SEMA4F: variants seen among roughly 807,000 people sequenced by gnomAD.
SEMA4F encodes the protein ssemaphorin 4F.
SEMA4F carries 51 observed loss-of-function variants against 78.4 expected under a neutral mutation model. The ratio of observed to expected loss-of-function variants is 0.65; its 90% CI spans 0.52 to 0.82. The LOEUF (loss-of-function observed/expected upper bound fraction) is 0.82. Ranked by LOEUF, SEMA4F falls within the 40% of genes least tolerant of loss-of-function variation. The pLI is 0.00. For missense variants in SEMA4F, 938 were observed against 1,014.4 expected (o/e 0.92, Z 1.02); for synonymous variants, 418 against 408.7 (o/e 1.02, Z -0.27).
In SEMA4F at chr2:74,682,111, T is replaced by C. The variant is rs1685649212; in HGVS notation, c.*1902T>C. The C allele has an allele frequency of 6.6e-6, 1 of 152,250 alleles. No homozygotes were observed. Among genetic ancestry groups the C allele is most frequent in the Non-Finnish European group, 1.5e-5 (1 of 68,048 alleles). 9.4% of individuals were successfully genotyped at this position (152,250 alleles called of 1,614,324 possible). The stretch of plus-strand genomic sequence containing the variant: ...ACTATCCATAACCATATAGCTTAAC[T>C]ATATGATAACCATGACATTCGTAGG... On this transcript the variant is annotated 3_prime_UTR_variant, in exon 14 of 14. Transcript: ENST00000357877.
chr2:74,697,310 T>C, the SEMA4F span, among the ~76,000 whole-genome samples: 3 of 152,214 alleles, frequency 2.0e-5, no homozygotes, highest in African/African-American at 7.2e-5. Context: ...GAGCTCAATG[T>C]ATAGTCCAGA....
chr2:74,696,593 A>C, the SEMA4F span, among the ~76,000 whole-genome samples: 8 of 152,288 alleles, frequency 5.3e-5, no homozygotes, highest in South Asian at 6.2e-4. Flanking sequence ...AGGGATAAAA[A>C]AACTACCAGT....
chr2:74,702,440 C>G, the SEMA4F span, among the ~76,000 whole-genome samples: 1 of 152,156 alleles, frequency 6.6e-6, no homozygotes, highest in Non-Finnish European at 1.5e-5. Context: ...GTTTTACTTT[C>G]TTTTTCTTCC....
Position 74,681,390 on chromosome 2 carries a change from C to T in SEMA4F, c.*1181C>T, listed in dbSNP as rs918186393. On this transcript the variant is annotated 3_prime_UTR_variant, in exon 14 of 14. Transcript: ENST00000357877. Reference sequence around the variant, plus strand: ...CAAGGCCTTAACAAAGTTAAAGGACCACTGCCCTGAGGTTACTGCACTGAG... The same window carrying T: ...CAAGGCCTTAACAAAGTTAAAGGACTACTGCCCTGAGGTTACTGCACTGAG... 6.6e-6 allele frequency: 1 copy of T among 152,598 alleles called. No individual in the cohort carries two copies. Among genetic ancestry groups the T allele is most frequent in the Non-Finnish European group, 1.5e-5 (1 of 68,068 alleles). The allele number at this position is 152,598 out of a possible 1,614,324, so 9.5% of individuals were successfully genotyped here.
intron 5 of SEMA4F, among the ~76,000 whole-genome samples, chr2:74,668,221 T>C (rs11900406): frequency 0.095 from 14,431 of 152,214 alleles, 2,132 homozygotes; most frequent in African/African-American, 0.32. Context: ...GTGTTTTTAT[T>C]GTATGGTTTT....
In SEMA4F at chr2:74,660,156, A is replaced by T. The variant is rs559488686; in HGVS notation, c.456+2205A>T. On this transcript the variant is annotated intron_variant, in intron 4 of 13. Coordinates refer to ENST00000357877, the MANE Select transcript of SEMA4F (RefSeq NM_004263.5). Reference sequence around the variant, plus strand: ...TAAGTTTAATTCTTATCACCACATCATGATATTTAGGTATTATTTCCATTT... The same window carrying T: ...TAAGTTTAATTCTTATCACCACATCTTGATATTTAGGTATTATTTCCATTT... 8.5e-5 allele frequency among the ~76,000 whole-genome samples: 13 copies of T among 152,354 alleles called. 1 individual carries two copies. Among genetic ancestry groups the T allele is most frequent in the African/African-American group, 3.1e-4 (13 of 41,582 alleles).
At chr2:74,705,838 A>G in the SEMA4F span, among the ~76,000 whole-genome samples, 2 of 152,178 alleles carry the variant, frequency 1.3e-5, no homozygotes, top group Non-Finnish European at 2.9e-5. Flanking sequence ...AAGCACTGGG[A>G]TTATAGGTGT....
At chr2:74,705,270 A>G in the SEMA4F span, among the ~76,000 whole-genome samples, 24 of 152,202 alleles carry the variant, frequency 1.6e-4, no homozygotes, top group South Asian at 6.2e-4. Flanking sequence ...ACATTTTCAC[A>G]TTTTCTTTAT....
At chr2:74,696,450 G>A in the SEMA4F span, among the ~76,000 whole-genome samples, 2 of 151,902 alleles carry the variant, frequency 1.3e-5, no homozygotes, top group Non-Finnish European at 2.9e-5. Context: ...CACCCACCTC[G>A]GCCTCCCAAA....
At chr2:74,679,501 A>G (rs1573268085) in intron 13 of SEMA4F, 98 bp from the exon 14 acceptor site, 5 of 1,520,424 alleles carry the variant, frequency 3.3e-6, no homozygotes, top group African/African-American at 1.4e-5. Flanking sequence ...CTTAGTCTCC[A>G]TAGCCCCTTT....
the SEMA4F span, among the ~76,000 whole-genome samples, chr2:74,706,846 C>G: frequency 3.2e-4 from 49 of 152,140 alleles, no homozygotes; most frequent in South Asian, 6.6e-3. Context: ...AGTGAGTGAG[C>G]ATTTTCACTT....
intron 7 of SEMA4F, 46 bp from the exon 8 acceptor site, chr2:74,674,452 A>G (rs766898016): frequency 6.4e-7 from 1 of 1,552,236 alleles, no homozygotes; most frequent in Non-Finnish European, 8.7e-7. Context: ...CTCCTTGCCC[A>G]ATGATGATCA....
At chr2:74,660,806 G>A (rs1684388314) in intron 4 of SEMA4F, among the ~76,000 whole-genome samples, 1 of 152,214 alleles carries the variant, frequency 6.6e-6, no homozygotes, top group Admixed American at 6.5e-5. Context: ...GTTTTAAGGG[G>A]CAGATAGGAA....
chr2:74,657,497 C>T, intron 2 of SEMA4F, 68 bp from the exon 3 acceptor site: 1 of 1,460,354 alleles, frequency 6.8e-7, no homozygotes. Flanking sequence ...ACAGTTTAAT[C>T]TCCTCTAACA....
the SEMA4F span, among the ~76,000 whole-genome samples, chr2:74,706,666 T>C: frequency 6.6e-6 from 1 of 152,210 alleles, no homozygotes; most frequent in Non-Finnish European, 1.5e-5. Context: ...TGGACAAGGT[T>C]GTCTGCACGA....
chr2:74,680,276 G>C lies in SEMA4F; in HGVS notation c.*67G>C. Reference sequence around the variant, plus strand: ...CGGAGTGACCACTGAGATGCTGGGGGTCACTGGGCCTGGAAGACCATCCCA... The same window carrying C: ...CGGAGTGACCACTGAGATGCTGGGGCTCACTGGGCCTGGAAGACCATCCCA... On this transcript the variant is annotated 3_prime_UTR_variant, in exon 14 of 14. Coordinates refer to ENST00000357877, the MANE Select transcript of SEMA4F (RefSeq NM_004263.5). 5 of 1,499,234 alleles carry C rather than the reference G, an allele frequency of 3.3e-6. No individual in the cohort carries two copies. The highest frequency in any genetic ancestry group is 4.5e-6 in the Non-Finnish European group (5 of 1,120,038). 92.9% of individuals were successfully genotyped at this position (1,499,234 alleles called of 1,614,324 possible). A position where few individuals can be genotyped will look rare whatever the true frequency, so the allele number is the denominator to read the frequency against.
chr2:74,685,900 G>A (rs538302444), downstream of SEMA4F, among the ~76,000 whole-genome samples: 1 of 152,018 alleles, frequency 6.6e-6, no homozygotes, highest in Non-Finnish European at 1.5e-5. Flanking sequence ...GTGAGCAAAG[G>A]ATATGAACAG....
rs774521956 is a variant in SEMA4F, at chr2:74,654,402, G to C, written c.26G>C (p.Arg9Pro). 821 of 1,528,576 alleles carry C rather than the reference G, an allele frequency of 5.4e-4. 2 individuals are homozygous for C. The highest frequency in any genetic ancestry group is 6.8e-4 in the Non-Finnish European group (781 of 1,145,994). 94.7% of individuals were successfully genotyped at this position (1,528,576 alleles called of 1,614,324 possible). The change falls in exon 1 of 14, where the codon CGC becomes CCC. Residue 9 changes from arginine (R) to proline (P), a missense_variant. Transcript: ENST00000357877. ...ATGCCGGCCTCTGCTGCGCGGCCCC[G>C]CCCGGGTCCCGGGCAGCCTACAGCC... MPASAARP[R>P]PGPGQPTASP... is the part of the protein sequence containing the mutation.
chr2:74,700,463 T>C, the SEMA4F span, among the ~76,000 whole-genome samples: 1 of 152,120 alleles, frequency 6.6e-6, no homozygotes, highest in Admixed American at 6.6e-5. Context: ...GATCCAACCA[T>C]TGGCCTGAAT....
Sources: allele counts gnomAD v4.1 joint callset (sites outside exome capture counted in the v4.1 genomes callset), GRCh38; gene constraint gnomAD v4.1.1; transcripts MANE v1.5; gene names NCBI Gene and HGNC (gene_info 2026-07-23, HGNC 2026-07-21).